The following TASOR variants were observed in gnomAD, a reference collection of about 807,000 sequenced individuals.
TASOR encodes transcription activation suppressor.
Under a neutral mutation model 178.6 loss-of-function variants are expected in TASOR, and 53 were observed. The ratio of observed to expected loss-of-function variants is 0.30; its 90% confidence interval spans 0.24 to 0.37. The LOEUF is 0.37. Among genes scored for constraint, TASOR ranks in the 10% least tolerant of loss-of-function variants. The probability of loss-of-function intolerance (pLI) is 1.00; values close to 1 mark genes in which losing one functional copy is unlikely to be tolerated. For synonymous variants in TASOR, 713 were observed against 696.2 expected, an observed-to-expected ratio of 1.02 and a Z score of -0.38; for missense variants, 1,815 against 1,971.4, an observed-to-expected ratio of 0.92 and a Z score of 1.50.
intron 1 of TASOR, among the ~76,000 whole-genome samples, chr3:56,674,138 A>C (rs9872059): frequency 0.17 from 25,458 of 150,972 alleles, 2,735 homozygotes; most frequent in South Asian, 0.35. Context: ...AGACCATAAA[A>C]GCATTTAAGA....
intron 16 of TASOR, among the ~76,000 whole-genome samples, chr3:56,639,410 CAAA>C (rs66863926): frequency 0.028 from 4,112 of 148,860 alleles, 101 homozygotes; most frequent in African/African-American, 0.064. Flanking sequence ...AGAATGCTAC[CAAA>C]AAAAAAAAAA....
Position 56,668,389 on chromosome 3 carries a change from G to C in TASOR, c.897+8C>G. The C allele has an allele frequency of 6.5e-7, 1 of 1,550,206 alleles. No individual in the cohort carries two copies. Among genetic ancestry groups the C allele is most frequent in the Non-Finnish European group, 8.7e-7 (1 of 1,146,486 alleles). ...GATCACAACATTACAACGGATCCTGGAACCTACCTGAGTAAGCTCATAGGC... is the reference window on the plus strand; with the variant it reads ...GATCACAACATTACAACGGATCCTGCAACCTACCTGAGTAAGCTCATAGGC... On this transcript the variant is annotated splice_region_variant and intron_variant, in intron 6 of 23. Coordinates refer to ENST00000683822, the MANE Select transcript of TASOR (RefSeq NM_001365635.2).
chr3:56,634,128 CTA>C (rs924777738), intron 17 of TASOR, among the ~76,000 whole-genome samples, 162 bp from the exon 18 acceptor site: 21 of 152,300 alleles, frequency 1.4e-4, no homozygotes, highest in African/African-American at 3.8e-4. Flanking sequence ...ATTCTATTCC[CTA>C]TGTGCCCTAC....
At chr3:56,674,661 C>G (rs1211256768) in intron 1 of TASOR, among the ~76,000 whole-genome samples, 1 of 152,192 alleles carries the variant, frequency 6.6e-6, no homozygotes, top group Non-Finnish European at 1.5e-5. Context: ...CCTAGCATTA[C>G]TGGCTTGGAG....
chr3:56,641,993 T>C (rs965000261), intron 14 of TASOR, among the ~76,000 whole-genome samples: 2 of 152,190 alleles, frequency 1.3e-5, no homozygotes, highest in African/African-American at 4.8e-5. Context: ...AATAGGAAAA[T>C]AAGCTCATGC....
intron 18 of TASOR, among the ~76,000 whole-genome samples, chr3:56,630,084 G>A (rs1186623671): frequency 6.6e-6 from 1 of 151,652 alleles, no homozygotes; most frequent in African/African-American, 2.4e-5. Flanking sequence ...TCCTGCCTCA[G>A]CCTCCCAAGT....
chr3:56,681,252 A>G lies in TASOR; in HGVS notation c.331+1424T>C, dbSNP rs562974267. On this transcript the variant is annotated intron_variant, in intron 1 of 23. Coordinates refer to ENST00000683822, the MANE Select transcript of TASOR (RefSeq NM_001365635.2). ...ATGTACTTCCTACCTATTCTCTACC[A>G]ATTGATTACACTGGGAACTTTTCTC... is the stretch of plus-strand genomic sequence containing the variant. Among the ~76,000 whole-genome samples the G allele has an allele frequency of 5.9e-5, 9 of 152,274 alleles. No homozygotes were observed. The South Asian group carries it at 1.9e-3, about 32-fold the overall frequency.
chr3:56,638,275 G>A (rs141052818), intron 17 of TASOR, among the ~76,000 whole-genome samples: 4,065 of 152,208 alleles, frequency 0.027, 97 homozygotes, highest in African/African-American at 0.062. Context: ...TGAGGAAGGT[G>A]AATTGCTTGA....
chr3:56,678,979 C>T (rs2107645164), intron 1 of TASOR, among the ~76,000 whole-genome samples: 1 of 147,892 alleles, frequency 6.8e-6, no homozygotes, highest in African/African-American at 2.5e-5. Context: ...AACACTGCAT[C>T]CCAGCCTGGG....
chr3:56,622,117 C>A lies in TASOR; in HGVS notation c.*920G>T, dbSNP rs1007239524. The A allele has an allele frequency of 6.6e-6, 1 of 152,158 alleles. No individual in the cohort carries two copies. Among genetic ancestry groups the A allele is most frequent in the Admixed American group, 6.5e-5 (1 of 15,278 alleles). 9.4% of individuals were successfully genotyped at this position (152,158 alleles called of 1,614,324 possible). A position where few individuals can be genotyped will look rare whatever the true frequency, so the allele number is the denominator to read the frequency against. Reference sequence around the variant, plus strand: ...ATCCTGACATTTATTTGCACTATGACATTTATTTGTAGAAATTGCAATTTT... The same window carrying A: ...ATCCTGACATTTATTTGCACTATGAAATTTATTTGTAGAAATTGCAATTTT... On this transcript the variant is annotated 3_prime_UTR_variant, in exon 24 of 24. Transcript: ENST00000683822.
chr3:56,628,358 G>A, intron 19 of TASOR, 134 bp downstream of exon 19: 1 of 762,846 alleles, frequency 1.3e-6, no homozygotes, highest in South Asian at 1.8e-5. Context: ...AATCTCACAA[G>A]CTGATTCACA....
chr3:56,680,046 G>A (rs949951879), intron 1 of TASOR, among the ~76,000 whole-genome samples: 12 of 152,128 alleles, frequency 7.9e-5, no homozygotes, highest in African/African-American at 2.9e-4. Context: ...AATGAAGGGG[G>A]GGAACAGTTT....
chr3:56,644,288 C>A (rs62251186), intron 14 of TASOR, among the ~76,000 whole-genome samples: 7,468 of 152,148 alleles, frequency 0.049, 190 homozygotes, highest in East Asian at 0.092. Context: ...CATAAAGTAC[C>A]TAGCACATAG....
Position 56,671,803 on chromosome 3 carries a change from ATC to A in TASOR, c.478-113_478-112del, listed in dbSNP as rs908889227. 4.1e-6 allele frequency: 3 copies of A among 739,954 alleles called. No homozygotes were observed. In the African/African-American group the frequency reaches 5.3e-5, roughly 13 times the overall value. 45.8% of individuals were successfully genotyped at this position (739,954 alleles called of 1,614,324 possible). A position where few individuals can be genotyped will look rare whatever the true frequency, so the allele number is the denominator to read the frequency against. On this transcript the variant is annotated intron_variant, in intron 2 of 23. Transcript: ENST00000683822. ...TCACACCTACCAAAATGGAAAAATA[ATC>A]TCTATCTCTCTATACTCTCTGTCCT...
chr3:56,627,776 G>A, intron 19 of TASOR, 35 bp from the exon 20 acceptor site: 3 of 1,599,364 alleles, frequency 1.9e-6, no homozygotes, highest in South Asian at 1.1e-5. Flanking sequence ...AGAAACAGAT[G>A]GAGGGAATGA....
rs997092915 is a variant in TASOR at position 56,682,861 on chromosome 3, G to C, written c.146C>G (p.Ala49Gly). 1 of 1,549,954 alleles carries C rather than the reference G, an allele frequency of 6.5e-7. No individual in the cohort carries two copies. ...QNGGGGGLNI[A>G]EPSGGAGREE... ...ACGCCCAGCGCCGCCGCTGGGCTCA[G>C]CGATGTTGAGGCCGCCGCCGCCGCC... Residue 49 changes from alanine (A) to glycine (G), a missense_variant, in exon 1 of 24, where the codon GCT becomes GGT. Around this residue, in one of 5 missense-constraint regions of TASOR, gnomAD observed 244 missense variants for 202.7 expected, o/e 1.20. Transcript: ENST00000683822.
chr3:56,641,878 C>T, intron 14 of TASOR, 126 bp from the exon 15 acceptor site: 1 of 934,790 alleles, frequency 1.1e-6, no homozygotes, highest in Non-Finnish European at 1.5e-6. Flanking sequence ...TTTGCTTAGA[C>T]TTTACAAATA....
intron 1 of TASOR, among the ~76,000 whole-genome samples, chr3:56,675,152 C>T (rs1005048045): frequency 6.6e-6 from 1 of 150,486 alleles, no homozygotes; most frequent in East Asian, 2.0e-4. Flanking sequence ...TCCTCCACAT[C>T]CCCAACCATT....
chr3:56,647,199 G>A lies in TASOR; in HGVS notation c.1538C>T (p.Ala513Val). The A allele has an allele frequency of 6.4e-7, 1 of 1,555,212 alleles. No individual in the cohort carries two copies. Among genetic ancestry groups the A allele is most frequent in the African/African-American group, 1.4e-5 (1 of 72,224 alleles). Residue 513 changes from alanine (A) to valine (V), a missense_variant, in exon 14 of 24, where the codon GCA becomes GTA. By Grantham distance (64) the Ala-to-Val change is moderately conservative. Coordinates refer to ENST00000683822, the MANE Select transcript of TASOR (RefSeq NM_001365635.2). ...CATGCTCTCATGCCTCTCCTGTGGT[G>A]CTGCATTGGTTGAACCTTTTTGTGC... Reference protein sequence around the residue: ...VTSQKGSTNAAPQERHESMPD... With the variant: ...VTSQKGSTNAVPQERHESMPD...
Sources: allele counts gnomAD v4.1 joint callset (sites outside exome capture counted in the v4.1 genomes callset), GRCh38; gene constraint gnomAD v4.1.1; regional missense constraint gnomAD v4.1.1; transcripts MANE v1.5; gene names NCBI Gene and HGNC (gene_info 2026-07-23, HGNC 2026-07-21).